Variants in CDK14 observed in about 807,000 individuals in gnomAD.
CDK14 encodes cyclin dependent kinase 14.
Under a neutral mutation model 60.7 loss-of-function variants are expected in CDK14, and 34 were observed. The ratio of observed to expected loss-of-function variants is 0.56; its 90% CI spans 0.43 to 0.75. The LOEUF (loss-of-function observed/expected upper bound fraction) is 0.75. CDK14 is among the 30% of genes least tolerant of loss of function. CDK14 has a pLI of 0.00. For synonymous variants in CDK14, 197 were observed against 203.7 expected (o/e 0.97, Z 0.28); for missense variants, 482 against 564.1 (o/e 0.85, Z 1.47).
intron 2 of CDK14, among the ~76,000 whole-genome samples, chr7:90,644,496 CT>C (rs1305223255): frequency 6.6e-6 from 1 of 152,110 alleles, no homozygotes; most frequent in Non-Finnish European, 1.5e-5. Flanking sequence ...TAGGTAACAG[CT>C]CTATGTAATT....
intron 8 of CDK14, among the ~76,000 whole-genome samples, chr7:90,926,282 C>T (rs1268297501): frequency 6.6e-6 from 1 of 152,048 alleles, no homozygotes; most frequent in Non-Finnish European, 1.5e-5. Flanking sequence ...ACCCAGAATA[C>T]TAGATGTCAC....
chr7:90,813,593 T>C (rs1040544632), intron 5 of CDK14, among the ~76,000 whole-genome samples: 2 of 151,796 alleles, frequency 1.3e-5, no homozygotes, highest in Admixed American at 1.3e-4. Flanking sequence ...ACTAAAAATA[T>C]TGTAAATTAG....
chr7:90,737,152 C>G (rs1214366488), intron 3 of CDK14, among the ~76,000 whole-genome samples: 1 of 152,192 alleles, frequency 6.6e-6, no homozygotes, highest in East Asian at 1.9e-4. Context: ...GCCACCTCCT[C>G]TAACCCAGCT....
intron 5 of CDK14, among the ~76,000 whole-genome samples, chr7:90,797,237 A>C (rs1177415331): frequency 6.6e-6 from 1 of 151,596 alleles, no homozygotes; most frequent in African/African-American, 2.4e-5. Context: ...TGGCCCTCCA[A>C]ATGAGGGCAA....
chr7:91,203,575 G>A (rs1251396744), intron 14 of CDK14, among the ~76,000 whole-genome samples: 1 of 152,158 alleles, frequency 6.6e-6, no homozygotes, highest in Non-Finnish European at 1.5e-5. Context: ...AGAGGAGAGA[G>A]CCAGGAAAGA....
Position 91,177,077 on chromosome 7 carries a change from T to G in CDK14, c.*29-30088T>G, listed in dbSNP as rs1430323088. ...AATCCTCAATAAAATACTGGCAAACTGAATCCAGCAGCACATCAAAAAGCT... is the reference window on the plus strand; with the variant it reads ...AATCCTCAATAAAATACTGGCAAACGGAATCCAGCAGCACATCAAAAAGCT... On this transcript the variant is annotated intron_variant, in intron 14 of 14. Transcript: ENST00000380050. Among the ~76,000 whole-genome samples, 7 of 149,440 alleles carry G rather than the reference T, an allele frequency of 4.7e-5. No homozygotes were observed. In the South Asian group the frequency reaches 1.3e-3, roughly 27 times the overall value.
In CDK14 at chr7:90,917,732, A is replaced by T; in HGVS notation, c.826+8A>T. 1 of 1,612,324 alleles carries T rather than the reference A, an allele frequency of 6.2e-7. No homozygotes were observed. Among genetic ancestry groups the T allele is most frequent in the South Asian group, 1.1e-5 (1 of 90,870 alleles). On this transcript the variant is annotated splice_region_variant and intron_variant, in intron 8 of 14. Transcript: ENST00000380050. ...TAAAGCTGGCAGATTTCGGTAGGAAAGCAGTTAATTACCAGTCTATTTTGT... is the reference window on the plus strand; with the variant it reads ...TAAAGCTGGCAGATTTCGGTAGGAATGCAGTTAATTACCAGTCTATTTTGT...
At chr7:90,879,086 A>T (rs1791657499) in intron 6 of CDK14, among the ~76,000 whole-genome samples, 1 of 152,218 alleles carries the variant, frequency 6.6e-6, no homozygotes, top group South Asian at 2.1e-4. Flanking sequence ...ATTGAGCAAA[A>T]GTTACTTGTT....
intron 5 of CDK14, among the ~76,000 whole-genome samples, chr7:90,805,181 T>C (rs963257137): frequency 6.6e-6 from 1 of 152,110 alleles, no homozygotes; most frequent in Non-Finnish European, 1.5e-5. Context: ...CGTAATGTAC[T>C]TGTAAACTTC....
intron 8 of CDK14, among the ~76,000 whole-genome samples, chr7:90,952,459 G>T (rs754585829): frequency 1.8e-4 from 28 of 152,146 alleles, no homozygotes; most frequent in Non-Finnish European, 3.5e-4. Context: ...TGAATCATTG[G>T]CAGTAGGGCT....
At chr7:90,814,738 T>C (rs1789280983) in intron 5 of CDK14, among the ~76,000 whole-genome samples, 1 of 152,220 alleles carries the variant, frequency 6.6e-6, no homozygotes. Context: ...ATTGTGCCAC[T>C]GCACTCCAGC....
chr7:91,173,656 G>A (rs1281100757), intron 14 of CDK14, among the ~76,000 whole-genome samples: 1 of 152,224 alleles, frequency 6.6e-6, no homozygotes, highest in East Asian at 1.9e-4. Context: ...AGCACAAGGG[G>A]TCAGGGAGTT....
intron 5 of CDK14, among the ~76,000 whole-genome samples, chr7:90,855,174 A>G (rs991729960): frequency 1.3e-5 from 2 of 152,238 alleles, no homozygotes; most frequent in African/African-American, 4.8e-5. Flanking sequence ...AACAGATTTA[A>G]CATGTTAGAT....
intron 2 of CDK14, among the ~76,000 whole-genome samples, chr7:90,654,591 A>T (rs1265912528): frequency 4.6e-5 from 7 of 152,160 alleles, no homozygotes; most frequent in Admixed American, 3.3e-4. Context: ...AGAATTCCTG[A>T]TGGATGTTCC....
At chr7:90,643,694 G>A (rs1800397346) in intron 2 of CDK14, among the ~76,000 whole-genome samples, 1 of 152,150 alleles carries the variant, frequency 6.6e-6, no homozygotes, top group African/African-American at 2.4e-5. Context: ...GAAGCCAGAT[G>A]ACAGCTTCTC....
At chr7:90,639,951 C>T (rs1003802963) in intron 2 of CDK14, among the ~76,000 whole-genome samples, 1 of 152,106 alleles carries the variant, frequency 6.6e-6, no homozygotes, top group African/African-American at 2.4e-5. Flanking sequence ...TCCTGATGCG[C>T]CGGTTTTTAA....
chr7:90,945,236 T>G (rs1794066440), intron 8 of CDK14, among the ~76,000 whole-genome samples: 1 of 152,230 alleles, frequency 6.6e-6, no homozygotes, highest in South Asian at 2.1e-4. Flanking sequence ...ATAGCCAGTA[T>G]GAATTAAGTG....
intron 3 of CDK14, among the ~76,000 whole-genome samples, chr7:90,742,890 G>C (rs1177148440): frequency 6.6e-6 from 1 of 151,784 alleles, no homozygotes; most frequent in East Asian, 1.9e-4. Context: ...GAAATGCTTG[G>C]TACGGAGGTA....
At chr7:90,679,205 G>A (rs964985660) in intron 2 of CDK14, among the ~76,000 whole-genome samples, 1 of 152,146 alleles carries the variant, frequency 6.6e-6, no homozygotes, top group Non-Finnish European at 1.5e-5. Context: ...TCCTGCATCT[G>A]CCTCTCAAAT....
Sources: gnomAD v4.1 joint callset for allele counts (sites outside exome capture counted in the v4.1 genomes callset) on GRCh38, gnomAD v4.1.1 for gene constraint, MANE v1.5 for transcripts, NCBI Gene and HGNC (gene_info 2026-07-23, HGNC 2026-07-21) for gene names.